The following CASK variants were observed in gnomAD, a reference collection of about 807,000 sequenced individuals.
CASK encodes the protein calcium/calmodulin dependent serine protein kinase.
Under a neutral mutation model 82.9 loss-of-function variants are expected in CASK, and 4 were observed. The observed-to-expected ratio is 0.05, with a 90% CI of 0.02 to 0.11. The LOEUF is 0.11. Among genes scored for constraint, CASK ranks in the 10% least tolerant of loss-of-function variants. The probability of loss-of-function intolerance (pLI) is 1.00; values close to 1 mark genes in which losing one functional copy is unlikely to be tolerated. For synonymous variants in CASK, 259 were observed against 253.5 expected, an observed-to-expected ratio of 1.02 and a Z score of -0.20; for missense variants, 358 against 720.9, an observed-to-expected ratio of 0.50 and a Z score of 5.76.
At chrX:41,619,550 T>A (rs1048934557) in intron 11 of CASK, among the ~76,000 whole-genome samples, 1 of 112,237 alleles carries the variant, frequency 8.9e-6, no homozygotes, top group Non-Finnish European at 1.9e-5. Flanking sequence ...AGCATAAATA[T>A]GTCAACTGTT....
At chrX:41,678,620 T>A (rs1409418101) in intron 5 of CASK, among the ~76,000 whole-genome samples, 1 of 111,373 alleles carries the variant, frequency 9.0e-6, no homozygotes. Flanking sequence ...GCCTGACCCA[T>A]CATTATAAGA....
chrX:41,842,544 GACAAGAGTGAA>G (rs892400362), intron 2 of CASK, among the ~76,000 whole-genome samples: 2 of 106,155 alleles, frequency 1.9e-5, no homozygotes, highest in Non-Finnish European at 3.9e-5. Context: ...CAGCCTGGGT[GACAAGAGTGAA>G]ACTCTGTCTC....
chrX:41,822,981 C>T (rs928746589), intron 2 of CASK, among the ~76,000 whole-genome samples: 1 of 98,088 alleles, frequency 1.0e-5, no homozygotes, highest in African/African-American at 3.9e-5. Context: ...TGAGAGAAAT[C>T]ATATCTGCAT....
intron 26 of CASK, among the ~76,000 whole-genome samples, chrX:41,523,323 T>G (rs1300025110): frequency 8.9e-6 from 1 of 112,370 alleles, no homozygotes; most frequent in Non-Finnish European, 1.9e-5. Flanking sequence ...TTTAATTAGA[T>G]TTTAAGCTTG....
chrX:41,892,527 G>A (rs2072193049), intron 1 of CASK, among the ~76,000 whole-genome samples: 1 of 110,278 alleles, frequency 9.1e-6, no homozygotes, highest in African/African-American at 3.3e-5. Flanking sequence ...TAGAGACAGG[G>A]TTTTGCCATG....
At chrX:41,623,688 A>T (rs1288276448) in intron 10 of CASK, among the ~76,000 whole-genome samples, 1 of 111,839 alleles carries the variant, frequency 8.9e-6, no homozygotes, top group Admixed American at 9.5e-5. Context: ...CTGGGATTAC[A>T]GGCATGAGCC....
chrX:41,750,179 T>C (rs1322129232), intron 3 of CASK, among the ~76,000 whole-genome samples: 1 of 112,193 alleles, frequency 8.9e-6, no homozygotes, highest in Admixed American at 9.5e-5. Flanking sequence ...AGAAGCAATC[T>C]ACTAATTTTA....
intron 21 of CASK, among the ~76,000 whole-genome samples, chrX:41,544,574 A>AAC (rs2064994471): frequency 1.9e-5 from 2 of 108,058 alleles, no homozygotes; most frequent in African/African-American, 6.8e-5. Flanking sequence ...TAAAAAAAAA[A>AAC]AAAAAAAAAA....
At chrX:41,791,029 T>C (rs2069701663) in intron 2 of CASK, among the ~76,000 whole-genome samples, 1 of 111,857 alleles carries the variant, frequency 8.9e-6, no homozygotes, top group Admixed American at 9.5e-5. Context: ...TAGCACAAAA[T>C]GTACCTGGGA....
At position 41,578,433 on chromosome X, in the gene CASK, G is replaced by A. The variant is rs1569317312; in HGVS notation, c.1410C>T (p.Gly470=). 8.3e-7 allele frequency: 1 copy of A among 1,202,271 alleles called. No homozygotes were observed. The highest frequency in any genetic ancestry group is 1.7e-5 in the African/African-American group (1 of 57,553). The change falls in exon 15 of 27, where the codon GGC becomes GGT. Residue 470 remains glycine, a synonymous_variant. Coordinates refer to ENST00000378163, the MANE Select transcript of CASK (RefSeq NM_001367721.1). ...TPPPTSPYLN[G]DSPESANGDM... The stretch of plus-strand genomic sequence containing the variant: ...CTCCGTTAGCACTTTCTGGAGAATC[G>A]CCGTTTAAATAGGGAGAGGTGGGAG...
At chrX:41,716,654 G>A (rs1373691039) in intron 5 of CASK, among the ~76,000 whole-genome samples, 2 of 112,142 alleles carry the variant, frequency 1.8e-5, no homozygotes, top group Non-Finnish European at 1.9e-5. Flanking sequence ...CAATTCCTAA[G>A]TAAGAAACTG....
intron 5 of CASK, chrX:41,727,345 C>A: frequency 8.3e-7 from 1 of 1,207,797 alleles, no homozygotes; most frequent in Non-Finnish European, 1.1e-6. Context: ...GTTTGTCAGT[C>A]TCTTAATTTT....
At chrX:41,683,262 C>T (rs1025418484) in intron 5 of CASK, 6 of 111,734 alleles carry the variant, frequency 5.4e-5, no homozygotes, top group Admixed American at 9.5e-5. Flanking sequence ...TTTTGACCTG[C>T]TCCGCTGACA....
chrX:41,714,444 G>C (rs2068029291), intron 5 of CASK, among the ~76,000 whole-genome samples: 1 of 112,035 alleles, frequency 8.9e-6, no homozygotes, highest in Admixed American at 9.4e-5. Flanking sequence ...TGGGGATATT[G>C]TGTCTGACTG....
At chrX:41,601,888 GA>G (rs199907848) in intron 12 of CASK, among the ~76,000 whole-genome samples, 1 of 108,016 alleles carries the variant, frequency 9.3e-6, no homozygotes, top group African/African-American at 3.3e-5. Flanking sequence ...AGGACCATTT[GA>G]AAAAAAAAGA....
intron 1 of CASK, among the ~76,000 whole-genome samples, chrX:41,890,272 C>G (rs2072141344): frequency 9.2e-6 from 1 of 108,935 alleles, no homozygotes; most frequent in Admixed American, 9.9e-5. Flanking sequence ...CCACTCTATG[C>G]TCTGCCTGCC....
chrX:41,566,019 C>T (rs1569309566), intron 16 of CASK, among the ~76,000 whole-genome samples: 1 of 111,594 alleles, frequency 9.0e-6, no homozygotes, highest in Non-Finnish European at 1.9e-5. Flanking sequence ...AAAAGGCCTT[C>T]AACAAAATTC....
intron 2 of CASK, among the ~76,000 whole-genome samples, chrX:41,801,886 C>G (rs1045655373): frequency 3.6e-5 from 4 of 111,193 alleles, no homozygotes; most frequent in Non-Finnish European, 5.7e-5. Context: ...CTCTCAGAAC[C>G]ACTGCAGTCA....
intron 3 of CASK, among the ~76,000 whole-genome samples, chrX:41,758,404 C>T (rs1318627384): frequency 1.0e-5 from 1 of 95,667 alleles, no homozygotes; most frequent in Non-Finnish European, 2.0e-5. Context: ...CATTGCACTC[C>T]AGCCTGGGTG....
Sources: gnomAD v4.1 joint callset for allele counts (sites outside exome capture counted in the v4.1 genomes callset) on GRCh38, gnomAD v4.1.1 for gene constraint, MANE v1.5 for transcripts, NCBI Gene and HGNC (gene_info 2026-07-23, HGNC 2026-07-21) for gene names.